TENM1: variants seen among roughly 807,000 people sequenced by gnomAD.
TENM1 encodes the protein teneurin transmembrane protein 1.
TENM1 carries 35 observed loss-of-function variants against 174.8 expected under a neutral mutation model. That is an observed-to-expected ratio of 0.20 (90% CI 0.15 to 0.27). TENM1 has a LOEUF of 0.27. TENM1 is among the 10% of genes least tolerant of loss of function. The pLI is 1.00. For synonymous variants in TENM1, 781 were observed against 798.7 expected, an observed-to-expected ratio of 0.98 and a Z score of 0.37; for missense variants, 1,633 against 2,130.1, an observed-to-expected ratio of 0.77 and a Z score of 4.59.
chrX:124,539,668 G>C (rs1415205056), intron 15 of TENM1, among the ~76,000 whole-genome samples: 4 of 111,014 alleles, frequency 3.6e-5, no homozygotes, highest in Non-Finnish European at 7.6e-5. Context: ...GATTTCTTTT[G>C]GATGATTGTT....
At chrX:124,841,350 C>T (rs2056495761) in intron 3 of TENM1, among the ~76,000 whole-genome samples, 1 of 111,622 alleles carries the variant, frequency 9.0e-6, no homozygotes, top group South Asian at 3.8e-4. Context: ...TAAACCTAAA[C>T]CCAGCTACAA....
intron 1 of TENM1, among the ~76,000 whole-genome samples, chrX:124,936,416 A>C (rs751452214): frequency 5.4e-5 from 6 of 111,736 alleles, no homozygotes; most frequent in Non-Finnish European, 5.6e-5. Flanking sequence ...GGACACACTA[A>C]GTAGATCCCT....
chrX:125,061,938 T>TTCAA, the TENM1 span, among the ~76,000 whole-genome samples: 6 of 111,923 alleles, frequency 5.4e-5, no homozygotes, highest in Non-Finnish European at 1.1e-4. Flanking sequence ...GCCCTAACAG[T>TTCAA]TCAATCCTTC....
intron 3 of TENM1, among the ~76,000 whole-genome samples, chrX:124,765,393 C>T (rs2148614009): frequency 9.0e-6 from 1 of 111,545 alleles, no homozygotes. Context: ...AGGATAAAGC[C>T]CTTTGAAAGG....
chrX:124,674,303 CAAAAAA>C (rs745969451), intron 5 of TENM1, among the ~76,000 whole-genome samples: 4 of 16,621 alleles, frequency 2.4e-4, no homozygotes, highest in African/African-American at 6.3e-4. Flanking sequence ...TATCAAAAGG[CAAAAAA>C]AAAAAAAAAA....
At chrX:124,844,007 C>T (rs2056557459) in intron 3 of TENM1, among the ~76,000 whole-genome samples, 1 of 111,522 alleles carries the variant, frequency 9.0e-6, no homozygotes, top group Non-Finnish European at 1.9e-5. Context: ...ATCTACTTCT[C>T]GGCTTCCTTG....
chrX:124,703,929 T>C (rs1013949371), intron 5 of TENM1, among the ~76,000 whole-genome samples: 13 of 112,528 alleles, frequency 1.2e-4, no homozygotes, highest in Admixed American at 8.5e-4. Flanking sequence ...GCGCAGGCTA[T>C]GATCCTATAC....
chrX:124,520,280 TG>T (rs2047811636), intron 18 of TENM1, among the ~76,000 whole-genome samples: 1 of 111,718 alleles, frequency 9.0e-6, no homozygotes, highest in Non-Finnish European at 1.9e-5. Context: ...AGTCAGATAT[TG>T]CATGAGTCCA....
At chrX:125,160,624 C>G in the TENM1 span, among the ~76,000 whole-genome samples, 1 of 105,523 alleles carries the variant, frequency 9.5e-6, no homozygotes, top group Non-Finnish European at 1.9e-5. Flanking sequence ...CACAAATGCT[C>G]ATGGACGCCA....
the TENM1 span, among the ~76,000 whole-genome samples, chrX:125,137,719 C>T: frequency 1.8e-5 from 2 of 111,367 alleles, no homozygotes; most frequent in African/African-American, 3.3e-5. Context: ...GAACAGATGG[C>T]CAGTGATTCC....
At chrX:124,436,820 G>T (rs1204644573) in intron 23 of TENM1, among the ~76,000 whole-genome samples, 1 of 110,209 alleles carries the variant, frequency 9.1e-6, no homozygotes, top group Admixed American at 9.7e-5. Context: ...ACTTCCTACA[G>T]ATATTATCTC....
At chrX:124,631,886 C>T (rs1402338351) in intron 11 of TENM1, among the ~76,000 whole-genome samples, 4 of 72,849 alleles carry the variant, frequency 5.5e-5, no homozygotes, top group Non-Finnish European at 9.8e-5. Context: ...GAGACTCTGT[C>T]TCAAAAAAAA....
intron 1 of TENM1, among the ~76,000 whole-genome samples, chrX:124,903,911 C>A (rs890507011): frequency 1.8e-5 from 2 of 111,572 alleles, no homozygotes; most frequent in Non-Finnish European, 3.8e-5. Flanking sequence ...CTAAAAATTT[C>A]TCATTTCTTA....
At chrX:124,846,368 A>G (rs2056608323) in intron 3 of TENM1, among the ~76,000 whole-genome samples, 1 of 111,696 alleles carries the variant, frequency 9.0e-6, no homozygotes, top group African/African-American at 3.2e-5. Flanking sequence ...GATATTTCCA[A>G]TTGCCATTAA....
At chrX:124,631,546 A>G (rs1321940684) in intron 11 of TENM1, among the ~76,000 whole-genome samples, 1 of 111,408 alleles carries the variant, frequency 9.0e-6, no homozygotes, top group Non-Finnish European at 1.9e-5. Context: ...TTTTTCTATA[A>G]TTTATGTGAG....
chrX:125,190,052 G>A, the TENM1 span, among the ~76,000 whole-genome samples: 1 of 111,000 alleles, frequency 9.0e-6, no homozygotes, highest in Non-Finnish European at 1.9e-5. Context: ...TTTTTTTAAT[G>A]GGACGTTTAC....
At chrX:125,056,920 C>G in the TENM1 span, among the ~76,000 whole-genome samples, 1 of 111,580 alleles carries the variant, frequency 9.0e-6, no homozygotes, top group Admixed American at 9.6e-5. Flanking sequence ...CACCTGTCTT[C>G]AACAGACTTG....
intron 4 of TENM1, among the ~76,000 whole-genome samples, chrX:124,710,148 C>CGG (rs2053010654): frequency 9.1e-6 from 1 of 110,445 alleles, no homozygotes; most frequent in Non-Finnish European, 1.9e-5. Context: ...TGTTTTTTTC[C>CGG]CCTTTGACCA....
intron 5 of TENM1, among the ~76,000 whole-genome samples, chrX:124,686,984 CTG>C (rs2052382674): frequency 9.0e-6 from 1 of 111,492 alleles, no homozygotes; most frequent in African/African-American, 3.3e-5. Flanking sequence ...CAAATAGTCT[CTG>C]TTTGTGGACA....
Sources: gnomAD v4.1 joint callset for allele counts (sites outside exome capture counted in the v4.1 genomes callset) on GRCh38, gnomAD v4.1.1 for gene constraint, MANE v1.5 for transcripts, NCBI Gene and HGNC (gene_info 2026-07-23, HGNC 2026-07-21) for gene names.